Variants in SPA17 observed in about 807,000 individuals in gnomAD.
SPA17 encodes the protein sperm autoantigenic protein 17, also known as sperm surface protein Sp17.
SPA17 carries 7 observed loss-of-function variants against 13.8 expected under a neutral mutation model. The observed-to-expected ratio is 0.51, with a 90% CI of 0.29 to 0.95. SPA17 has a LOEUF of 0.95. Among genes scored for constraint, SPA17 ranks in the 40% least tolerant of loss-of-function variants. The pLI is 0.08. For missense variants in SPA17, 170 were observed against 179.3 expected, an observed-to-expected ratio of 0.95 and a Z score of 0.30; for synonymous variants, 61 against 59.0, an observed-to-expected ratio of 1.03 and a Z score of -0.16.
chr11:124,682,787 G>T (rs1239489292), intron 3 of SPA17, among the ~76,000 whole-genome samples: 1 of 151,606 alleles, frequency 6.6e-6, no homozygotes, highest in African/African-American at 2.4e-5. Context: ...AGGACAAAAA[G>T]ATCAGAAGGC....
chr11:124,694,462 C>A lies in SPA17; in HGVS notation c.*16C>A. 1 of 1,579,236 alleles carries A rather than the reference C, an allele frequency of 6.3e-7. No homozygotes were observed. Among genetic ancestry groups the A allele is most frequent in the Non-Finnish European group, 8.6e-7 (1 of 1,164,170 alleles). On this transcript the variant is annotated 3_prime_UTR_variant, in exon 5 of 5. Coordinates refer to ENST00000227135, the MANE Select transcript of SPA17 (RefSeq NM_017425.4). Reference sequence around the variant, plus strand: ...AAACAAGTGAGGACACTGGTTTTACCTCCAGGAAACATGAAAAATAATCCA... The same window carrying A: ...AAACAAGTGAGGACACTGGTTTTACATCCAGGAAACATGAAAAATAATCCA...
Position 124,691,679 on chromosome 11 carries a change from C to G in SPA17, c.226-17C>G. ...TTTGGAAACATTGCTAATTGTGGCT[C>G]TCTCCTATCTGTCCAGGAGCAAGAA... On this transcript the variant is annotated splice_polypyrimidine_tract_variant and intron_variant, in intron 3 of 4. Transcript: ENST00000227135. 2 of 1,565,460 alleles carry G rather than the reference C, an allele frequency of 1.3e-6. No homozygotes were observed. Among genetic ancestry groups the G allele is most frequent in the South Asian group, 1.2e-5 (1 of 83,726 alleles).
rs964502224 is a variant in SPA17 at position 124,695,215 on chromosome 11, T to C, written c.*769T>C. The C allele has an allele frequency of 6.6e-6, 1 of 152,270 alleles. No homozygotes were observed. The highest frequency in any genetic ancestry group is 2.4e-5 in the African/African-American group (1 of 41,468). 9.4% of individuals were successfully genotyped at this position (152,270 alleles called of 1,614,324 possible). ...CATTTATTGAAAATGTATTGAGTAC[T>C]ATTCATGTGCTGGGAATTAGTAGTG... On this transcript the variant is annotated 3_prime_UTR_variant, in exon 5 of 5. Transcript: ENST00000227135.
At chr11:124,693,139 T>G (rs748640156) in intron 4 of SPA17, among the ~76,000 whole-genome samples, 35 of 152,184 alleles carry the variant, frequency 2.3e-4, no homozygotes, top group Non-Finnish European at 2.8e-4. Flanking sequence ...TGAGTAGGGA[T>G]CTCATTGATT....
At chr11:124,675,474 G>A in intron 2 of SPA17, 56 bp downstream of exon 2, 1 of 1,574,848 alleles carries the variant, frequency 6.3e-7, no homozygotes, top group Non-Finnish European at 8.6e-7. Flanking sequence ...ATTTGTTTAT[G>A]GTAAAACTTG....
chr11:124,696,198 A>G lies in SPA17; in HGVS notation c.*1752A>G, dbSNP rs1168172203. ...CCAGGCTTACAGAGGAAAAGAAATC[A>G]GTTCTCCTCCAGGATTCCAGCTGTT... On this transcript the variant is annotated 3_prime_UTR_variant, in exon 5 of 5. Transcript: ENST00000227135. 6.6e-6 allele frequency: 1 copy of G among 152,262 alleles called. No individual in the cohort carries two copies. The highest frequency in any genetic ancestry group is 6.5e-5 in the Admixed American group (1 of 15,270). 9.4% of individuals were successfully genotyped at this position (152,262 alleles called of 1,614,324 possible).
At chr11:124,690,511 G>T (rs1943614998) in intron 3 of SPA17, among the ~76,000 whole-genome samples, 1 of 152,174 alleles carries the variant, frequency 6.6e-6, no homozygotes, top group South Asian at 2.1e-4. Flanking sequence ...TTGGTTAAAG[G>T]CTAAAATGTG....
In SPA17 at chr11:124,684,981, G is replaced by T. The variant is rs186399865; in HGVS notation, c.225+3522G>T. Among the ~76,000 whole-genome samples the T allele has an allele frequency of 7.2e-4, 110 of 152,352 alleles. 1 individual carries two copies. The highest frequency in any genetic ancestry group is 2.4e-3 in the African/African-American group (99 of 41,586). On this transcript the variant is annotated intron_variant, in intron 3 of 4. Transcript: ENST00000227135. ...ATCATAAAAGTTTGGAAAATTTGCA[G>T]CCTGATGACACAATAGAAAGAAAAC... is the stretch of plus-strand genomic sequence containing the variant.
At chr11:124,692,317 A>T (rs1943629766) in intron 4 of SPA17, among the ~76,000 whole-genome samples, 1 of 152,072 alleles carries the variant, frequency 6.6e-6, no homozygotes, top group Non-Finnish European at 1.5e-5. Flanking sequence ...GTGGTGGCTC[A>T]CGTCTGTAAT....
chr11:124,691,422 A>T (rs1351849948), intron 3 of SPA17, among the ~76,000 whole-genome samples: 2 of 152,204 alleles, frequency 1.3e-5, no homozygotes, highest in Admixed American at 1.3e-4. Context: ...TATTTTTAAC[A>T]TAAAACAGTG....
chr11:124,680,286 A>G (rs1943515182), intron 2 of SPA17, among the ~76,000 whole-genome samples: 2 of 152,000 alleles, frequency 1.3e-5, no homozygotes, highest in South Asian at 2.1e-4. Flanking sequence ...ATACTTGCAG[A>G]AAAAAAATCA....
Position 124,696,824 on chromosome 11 carries a change from T to G in SPA17, c.*2378T>G, listed in dbSNP as rs954936632. ...TCTCCTCTGCCTGCGAACTTCTATA[T>G]TCAACTGCCTACATAACATCCCCAT... On this transcript the variant is annotated 3_prime_UTR_variant, in exon 5 of 5. Transcript: ENST00000227135. 1 of 152,210 alleles carries G rather than the reference T, an allele frequency of 6.6e-6. No homozygotes were observed. Among genetic ancestry groups the G allele is most frequent in the African/African-American group, 2.4e-5 (1 of 41,436 alleles). 9.4% of individuals were successfully genotyped at this position (152,210 alleles called of 1,614,324 possible). A position where few individuals can be genotyped will look rare whatever the true frequency, so the allele number is the denominator to read the frequency against.
chr11:124,688,171 A>G (rs2134416512), intron 3 of SPA17, among the ~76,000 whole-genome samples: 1 of 152,268 alleles, frequency 6.6e-6, no homozygotes, highest in East Asian at 1.9e-4. Flanking sequence ...GTGCCACCAC[A>G]CTGAATAATG....
At chr11:124,679,939 T>TAA (rs200930640) in intron 2 of SPA17, among the ~76,000 whole-genome samples, 5 of 151,502 alleles carry the variant, frequency 3.3e-5, no homozygotes, top group African/African-American at 1.2e-4. Flanking sequence ...TTGTGATGGT[T>TAA]AAAAAAAAAC....
rs150129516 is a variant in SPA17, at chr11:124,677,234, G to A, written c.154+1816G>A. On this transcript the variant is annotated intron_variant, in intron 2 of 4. Coordinates refer to ENST00000227135, the MANE Select transcript of SPA17 (RefSeq NM_017425.4). ...TAGAAGATACAAGTATCAGAATTCA[G>A]TCTCTTCAAAAAGGAAAAAAAACAA... 2.6e-3 allele frequency among the ~76,000 whole-genome samples: 391 copies of A among 152,202 alleles called. 4 individuals are homozygous for A. The highest frequency in any genetic ancestry group is 0.02 in the Middle Eastern group (6 of 294).
At position 124,673,938 on chromosome 11, in the gene SPA17, T is replaced by C; in HGVS notation, c.-42T>C. On this transcript the variant is annotated 5_prime_UTR_variant, in exon 1 of 5. Coordinates refer to ENST00000227135, the MANE Select transcript of SPA17 (RefSeq NM_017425.4). ...AACAACCGGAACCGGCGGCACCAGC[T>C]CGGAGAGAAAGGAGGTGAGGCCGCT... is the stretch of plus-strand genomic sequence containing the variant. 1.7e-6 allele frequency: 1 copy of C among 578,986 alleles called. No homozygotes were observed. Among genetic ancestry groups the C allele is most frequent in the Non-Finnish European group, 3.1e-6 (1 of 326,944 alleles). 35.9% of individuals were successfully genotyped at this position (578,986 alleles called of 1,614,324 possible).
Position 124,675,295 on chromosome 11 carries a change from C to G in SPA17, c.31C>G (p.Arg11Gly), listed in dbSNP as rs149627407. MSIPFSNTHY[R>G]IPQGFGNLLE... ...GATTCCATTCTCCAACACCCACTACCGAATTCCACAAGGATTTGGGAATCT... is the reference window on the plus strand; with the variant it reads ...GATTCCATTCTCCAACACCCACTACGGAATTCCACAAGGATTTGGGAATCT... The change falls in exon 2 of 5, where the codon CGA (arginine) becomes GGA (glycine). Residue 11 changes from arginine (R) to glycine (G), a missense_variant. Physicochemically the swap from Arg to Gly is moderately radical, Grantham distance 125. Coordinates refer to ENST00000227135, the MANE Select transcript of SPA17 (RefSeq NM_017425.4). 2 of 1,613,888 alleles carry G rather than the reference C, an allele frequency of 1.2e-6. No homozygotes were observed. Among genetic ancestry groups the G allele is most frequent in the African/African-American group, 2.7e-5 (2 of 74,898 alleles).
chr11:124,680,010 A>G (rs1943512568), intron 2 of SPA17, among the ~76,000 whole-genome samples: 1 of 152,232 alleles, frequency 6.6e-6, no homozygotes, highest in Non-Finnish European at 1.5e-5. Flanking sequence ...ACTGGTAAAT[A>G]AAAGGAAAGG....
chr11:124,680,203 G>A (rs943158208), intron 2 of SPA17, among the ~76,000 whole-genome samples: 6 of 152,030 alleles, frequency 3.9e-5, no homozygotes, highest in African/African-American at 1.4e-4. Context: ...TCAGGGGGCC[G>A]ATAAAAATTA....
Sources: allele counts gnomAD v4.1 joint callset (sites outside exome capture counted in the v4.1 genomes callset), GRCh38; gene constraint gnomAD v4.1.1; transcripts MANE v1.5; gene names NCBI Gene and HGNC (gene_info 2026-07-23, HGNC 2026-07-21).